The following RPS6KC1 variants were observed in gnomAD, a reference collection of about 807,000 sequenced individuals.
RPS6KC1 encodes the protein ribosomal protein S6 kinase C1.
In RPS6KC1, 54 loss-of-function variants were observed where a neutral mutation model predicts 103.8. The ratio of observed to expected loss-of-function variants is 0.52; its 90% CI spans 0.42 to 0.65. The LOEUF (loss-of-function observed/expected upper bound fraction) is 0.65, where lower values mean the gene tolerates loss of function less well. Ranked by LOEUF, RPS6KC1 falls within the 30% of genes least tolerant of loss-of-function variation. The pLI is 0.00. For missense variants in RPS6KC1, 1,151 were observed against 1,253.8 expected, an observed-to-expected ratio of 0.92 and a Z score of 1.24; for synonymous variants, 439 against 438.7, an observed-to-expected ratio of 1.00 and a Z score of -0.01.
chr1:213,786,557 C>G, the RPS6KC1 span, among the ~76,000 whole-genome samples: 2 of 152,140 alleles, frequency 1.3e-5, no homozygotes, highest in Non-Finnish European at 2.9e-5. Flanking sequence ...GAGACTGTTT[C>G]TTCTTTTATA....
chr1:213,781,647 A>G, the RPS6KC1 span, among the ~76,000 whole-genome samples: 4 of 152,300 alleles, frequency 2.6e-5, no homozygotes, highest in Non-Finnish European at 2.9e-5. Context: ...GACAGCTGAG[A>G]CTGGAGACCC....
the RPS6KC1 span, among the ~76,000 whole-genome samples, chr1:213,650,495 G>A: frequency 2.6e-5 from 4 of 152,132 alleles, no homozygotes; most frequent in Non-Finnish European, 5.9e-5. Context: ...CACACTCAGG[G>A]AAAGAAATCT....
At chr1:213,773,973 G>A in the RPS6KC1 span, among the ~76,000 whole-genome samples, 1 of 152,334 alleles carries the variant, frequency 6.6e-6, no homozygotes, top group South Asian at 2.1e-4. Context: ...TCCACCTCTT[G>A]TGTAAAGCAT....
At chr1:213,597,317 C>T in the RPS6KC1 span, among the ~76,000 whole-genome samples, 21 of 152,222 alleles carry the variant, frequency 1.4e-4, no homozygotes, top group Non-Finnish European at 2.9e-4. Context: ...TGGAGAAATG[C>T]AGGTTGGTGT....
the RPS6KC1 span, among the ~76,000 whole-genome samples, chr1:213,816,761 A>C: frequency 6.6e-6 from 1 of 152,122 alleles, no homozygotes; most frequent in Non-Finnish European, 1.5e-5. Context: ...TCCTGAACTT[A>C]AGTCACTTAC....
At chr1:213,436,635 T>C in the RPS6KC1 span, among the ~76,000 whole-genome samples, 1 of 152,202 alleles carries the variant, frequency 6.6e-6, no homozygotes, top group African/African-American at 2.4e-5. Context: ...TTCTTATTTA[T>C]GAATATTGTT....
intron 12 of RPS6KC1, among the ~76,000 whole-genome samples, chr1:213,249,761 A>G (rs2094512694): frequency 6.6e-6 from 1 of 152,216 alleles, no homozygotes; most frequent in South Asian, 2.1e-4. Context: ...TCAGAATTAT[A>G]ATCGGTCAAC....
At position 213,272,517 on chromosome 1, in the gene RPS6KC1, T is replaced by G. The variant is rs1362225210; in HGVS notation, c.3091-7T>G. ...TCCTGTTACTCACTAAGTCCGTCTT[T>G]TTTTAGCTCTTGCAGTTCAATCCTC... On this transcript the variant is annotated splice_polypyrimidine_tract_variant and splice_region_variant and intron_variant, in intron 14 of 14. Transcript: ENST00000366960. The G allele has an allele frequency of 6.2e-7, 1 of 1,611,736 alleles. No homozygotes were observed. Among genetic ancestry groups the G allele is most frequent in the Admixed American group, 1.7e-5 (1 of 60,016 alleles).
At chr1:213,683,582 C>A in the RPS6KC1 span, among the ~76,000 whole-genome samples, 1 of 152,140 alleles carries the variant, frequency 6.6e-6, no homozygotes, top group East Asian at 1.9e-4. Context: ...CAATTTAGCT[C>A]GGCTTGGAAG....
At chr1:213,323,634 C>T in the RPS6KC1 span, among the ~76,000 whole-genome samples, 815 of 152,212 alleles carry the variant, frequency 5.4e-3, 2 homozygotes, top group Non-Finnish European at 8.2e-3. Flanking sequence ...CCTATTGCCC[C>T]GTTATAAATT....
chr1:213,631,898 C>A, the RPS6KC1 span, among the ~76,000 whole-genome samples: 1 of 152,114 alleles, frequency 6.6e-6, no homozygotes, highest in Non-Finnish European at 1.5e-5. Flanking sequence ...TTAACACATG[C>A]ACAGTTGGGA....
chr1:213,603,882 GAGAAA>G, the RPS6KC1 span, among the ~76,000 whole-genome samples: 2 of 151,798 alleles, frequency 1.3e-5, no homozygotes, highest in African/African-American at 4.8e-5. Flanking sequence ...ACAAAAAAAA[GAGAAA>G]AAAGAAAAAA....
At chr1:213,550,886 A>G in the RPS6KC1 span, among the ~76,000 whole-genome samples, 10 of 152,190 alleles carry the variant, frequency 6.6e-5, no homozygotes, top group Admixed American at 5.2e-4. Context: ...CCTAAGAATT[A>G]TTATGGCTTT....
chr1:213,278,958 A>G (rs2095117841), downstream of RPS6KC1, among the ~76,000 whole-genome samples: 1 of 152,070 alleles, frequency 6.6e-6, no homozygotes, highest in Admixed American at 6.5e-5. Context: ...TTGTGTATAA[A>G]GGCATGGAGA....
intron 6 of RPS6KC1, among the ~76,000 whole-genome samples, chr1:213,166,272 A>G (rs186753815): frequency 1.3e-5 from 2 of 152,312 alleles, no homozygotes; most frequent in East Asian, 1.9e-4. Context: ...CTTGGAAGGC[A>G]TTATATAATC....
At chr1:213,088,029 T>C (rs1180909511) in intron 3 of RPS6KC1, among the ~76,000 whole-genome samples, 1 of 152,182 alleles carries the variant, frequency 6.6e-6, no homozygotes, top group Admixed American at 6.5e-5. Flanking sequence ...CCACTGCAGA[T>C]GGTAGGTACC....
At chr1:213,202,488 C>T (rs1192261680) in intron 8 of RPS6KC1, among the ~76,000 whole-genome samples, 1 of 152,036 alleles carries the variant, frequency 6.6e-6, no homozygotes, top group Non-Finnish European at 1.5e-5. Flanking sequence ...TGGCGGGTGC[C>T]TGTAATCCCA....
rs763440144 is a variant in RPS6KC1 at position 213,077,716 on chromosome 1, C to T, written c.162C>T (p.Tyr54=). 1.4e-6 allele frequency: 2 copies of T among 1,479,144 alleles called. No individual in the cohort carries two copies. Among genetic ancestry groups the T allele is most frequent in the East Asian group, 2.4e-5 (1 of 42,060 alleles). 91.6% of individuals were successfully genotyped at this position (1,479,144 alleles called of 1,614,324 possible). ...TCTAGATAATTGTATGGAAGAGATACAGTGATTTTAAGAAACTACACAAAG... is the reference window on the plus strand; with the variant it reads ...TCTAGATAATTGTATGGAAGAGATATAGTGATTTTAAGAAACTACACAAAG... ...DVQEIIVWKR[Y]SDFKKLHKEL... Residue 54 remains tyrosine, a synonymous_variant, in exon 3 of 15, where the codon TAC becomes TAT. Coordinates refer to ENST00000366960, the MANE Select transcript of RPS6KC1 (RefSeq NM_012424.6).
At chr1:213,169,816 C>G (rs1369517977) in intron 7 of RPS6KC1, among the ~76,000 whole-genome samples, 6 of 137,984 alleles carry the variant, frequency 4.3e-5, no homozygotes, top group African/African-American at 1.7e-4. Flanking sequence ...GAGTCTCGCT[C>G]TGTCACCCAG....
Sources: gnomAD v4.1 joint callset for allele counts (sites outside exome capture counted in the v4.1 genomes callset) on GRCh38, gnomAD v4.1.1 for gene constraint, MANE v1.5 for transcripts, NCBI Gene and HGNC (gene_info 2026-07-23, HGNC 2026-07-21) for gene names.